Variants in ATF6 observed in about 807,000 individuals in gnomAD.
ATF6 encodes activating transcription factor 6.
Under a neutral mutation model 83.6 loss-of-function variants are expected in ATF6, and 53 were observed. That is an observed-to-expected ratio of 0.63 (90% confidence interval 0.51 to 0.80). ATF6 has a LOEUF of 0.80. Ranked by LOEUF, ATF6 falls within the 30% of genes least tolerant of loss-of-function variation. The probability of loss-of-function intolerance (pLI) is 0.00; values close to 1 mark genes in which losing one functional copy is unlikely to be tolerated. For missense variants in ATF6, 744 were observed against 797.9 expected (o/e 0.93, Z 0.81); for synonymous variants, 288 against 285.8 (o/e 1.01, Z -0.08).
chr1:161,771,244 C>T (rs1051061599), intron 1 of ATF6, among the ~76,000 whole-genome samples: 2 of 151,800 alleles, frequency 1.3e-5, no homozygotes, highest in African/African-American at 4.8e-5. Flanking sequence ...CTTTTTCCTT[C>T]TCTTTATTCT....
At chr1:161,952,917 G>A (rs1688893745) in intron 15 of ATF6, among the ~76,000 whole-genome samples, 2 of 152,142 alleles carry the variant, frequency 1.3e-5, no homozygotes, top group Admixed American at 1.3e-4. Context: ...TGGTGAGAAA[G>A]GATTCTGAAG....
intron 15 of ATF6, among the ~76,000 whole-genome samples, chr1:161,930,939 C>G (rs919127168): frequency 1.1e-4 from 17 of 151,842 alleles, no homozygotes; most frequent in African/African-American, 3.9e-4. Flanking sequence ...GTCACCCAGG[C>G]TGGAGTGCAG....
At chr1:161,773,180 G>A (rs538239085) in intron 1 of ATF6, among the ~76,000 whole-genome samples, 1 of 145,552 alleles carries the variant, frequency 6.9e-6, no homozygotes, top group African/African-American at 2.6e-5. Context: ...CTGTTACCCA[G>A]GCTGGAGTGC....
chr1:161,958,678 CTG>C lies in ATF6; in HGVS notation c.*25_*26del. 1 of 1,582,036 alleles carries C rather than the reference CTG, an allele frequency of 6.3e-7. No individual in the cohort carries two copies. Among genetic ancestry groups the C allele is most frequent in the Non-Finnish European group, 8.6e-7 (1 of 1,162,472 alleles). On this transcript the variant is annotated 3_prime_UTR_variant, in exon 16 of 16. Transcript: ENST00000367942. Reference sequence around the variant, plus strand: ...AGCACCCTGCAGCTATGCTGGAAAACTGAGCGTGGGACCCTGCCAGACTGAAG... The same window carrying C: ...AGCACCCTGCAGCTATGCTGGAAAACAGCGTGGGACCCTGCCAGACTGAAG...
intron 6 of ATF6, among the ~76,000 whole-genome samples, chr1:161,801,593 A>G (rs949758871): frequency 6.6e-6 from 1 of 151,788 alleles, no homozygotes; most frequent in Non-Finnish European, 1.5e-5. Context: ...TTCTTCTAAT[A>G]TTGAGTTACT....
chr1:161,780,262 A>G (rs1411941218), intron 2 of ATF6, among the ~76,000 whole-genome samples: 1 of 152,214 alleles, frequency 6.6e-6, no homozygotes, highest in African/African-American at 2.4e-5. Flanking sequence ...AATGAACCAT[A>G]TAGTAGTCAT....
chr1:161,829,189 CTTTTTT>C (rs35619050), intron 9 of ATF6, among the ~76,000 whole-genome samples: 11 of 72,586 alleles, frequency 1.5e-4, no homozygotes, highest in African/African-American at 4.3e-4. Flanking sequence ...TAATGGGAGA[CTTTTTT>C]TTTTTTTTTT....
rs554086648 is a variant in ATF6 at position 161,947,973 on chromosome 1, C to T, written c.1805-10473C>T. 2.9e-3 allele frequency among the ~76,000 whole-genome samples: 433 copies of T among 151,782 alleles called. 1 individual carries two copies. The highest frequency in any genetic ancestry group is 1.0e-2 in the African/African-American group (412 of 41,352). The stretch of plus-strand genomic sequence containing the variant: ...CCGAGTAGCTGGGATTATAGGTGTG[C>T]GCCACCACATCTGGCTAATTTTGTA... On this transcript the variant is annotated intron_variant, in intron 15 of 15. Transcript: ENST00000367942.
chr1:161,884,647 CT>C (rs1442171531), intron 14 of ATF6, among the ~76,000 whole-genome samples: 1 of 152,048 alleles, frequency 6.6e-6, no homozygotes, highest in Non-Finnish European at 1.5e-5. Context: ...GCTGTTAACA[CT>C]ACAAGGACTC....
intron 14 of ATF6, among the ~76,000 whole-genome samples, chr1:161,909,175 A>C (rs1008580915): frequency 2.0e-5 from 3 of 152,218 alleles, no homozygotes; most frequent in Non-Finnish European, 4.4e-5. Flanking sequence ...ATAGCTACTT[A>C]ATCATCGGGA....
chr1:161,827,954 C>T (rs1265401434), intron 9 of ATF6, among the ~76,000 whole-genome samples: 1 of 152,084 alleles, frequency 6.6e-6, no homozygotes, highest in African/African-American at 2.4e-5. Context: ...CTGGCCCACT[C>T]TGGGTGGTCT....
chr1:161,908,292 G>T (rs1470592840), intron 14 of ATF6, among the ~76,000 whole-genome samples: 1 of 152,034 alleles, frequency 6.6e-6, no homozygotes, highest in Non-Finnish European at 1.5e-5. Flanking sequence ...AGCAAAATGT[G>T]GTCCTTTTCT....
At chr1:161,830,337 A>G (rs1369481241) in intron 9 of ATF6, among the ~76,000 whole-genome samples, 1 of 152,216 alleles carries the variant, frequency 6.6e-6, no homozygotes, top group Non-Finnish European at 1.5e-5. Context: ...GCTCATGGAT[A>G]GGAAGAATCA....
intron 15 of ATF6, among the ~76,000 whole-genome samples, chr1:161,951,660 A>G (rs781138326): frequency 5.9e-5 from 9 of 152,222 alleles, no homozygotes; most frequent in Non-Finnish European, 8.8e-5. Flanking sequence ...AAGGAAAAGA[A>G]CAGATATGAT....
intron 15 of ATF6, among the ~76,000 whole-genome samples, chr1:161,953,513 T>C (rs1688910798): frequency 6.6e-6 from 1 of 152,194 alleles, no homozygotes; most frequent in Admixed American, 6.5e-5. Flanking sequence ...AATACCCTTA[T>C]CACAGTGAAC....
chr1:161,808,970 A>G (rs909171324), intron 7 of ATF6, among the ~76,000 whole-genome samples: 43 of 152,310 alleles, frequency 2.8e-4, no homozygotes, highest in Middle Eastern at 3.4e-3. Context: ...CCTTTTCATT[A>G]TAAACATTTC....
At chr1:161,868,396 T>TA (rs1302696277) in intron 14 of ATF6, among the ~76,000 whole-genome samples, 1 of 152,180 alleles carries the variant, frequency 6.6e-6, no homozygotes, top group Admixed American at 6.5e-5. Flanking sequence ...TTAATTATTA[T>TA]TCTTTTTTCC....
At chr1:161,847,335 T>C (rs1490279617) in intron 10 of ATF6, among the ~76,000 whole-genome samples, 1 of 152,134 alleles carries the variant, frequency 6.6e-6, no homozygotes, top group African/African-American at 2.4e-5. Flanking sequence ...TCTTTAAGGA[T>C]TTGTAGGTTG....
chr1:161,847,451 G>T (rs566345469), intron 10 of ATF6, among the ~76,000 whole-genome samples: 4 of 152,178 alleles, frequency 2.6e-5, no homozygotes, highest in South Asian at 2.1e-4. Context: ...TGAAAAAACT[G>T]TTATTTTTGT....
Sources: allele counts gnomAD v4.1 joint callset (sites outside exome capture counted in the v4.1 genomes callset), GRCh38; gene constraint gnomAD v4.1.1; transcripts MANE v1.5; gene names NCBI Gene and HGNC (gene_info 2026-07-23, HGNC 2026-07-21).